FCHSD2: variants seen among roughly 807,000 people sequenced by gnomAD.
The protein encoded by FCHSD2 is FCH and double SH3 domains 2, also known as F-BAR and double SH3 domains protein 2.
A neutral mutation model predicts 108.1 loss-of-function variants in FCHSD2; 38 were observed. The observed-to-expected ratio is 0.35, with a 90% CI of 0.27 to 0.46. FCHSD2 has a LOEUF of 0.46. Ranked by LOEUF, FCHSD2 falls within the 20% of genes least tolerant of loss-of-function variation. FCHSD2 has a pLI of 1.00. For synonymous variants in FCHSD2, 279 were observed against 314.7 expected (o/e 0.89, Z 1.20); for missense variants, 751 against 897.8 (o/e 0.84, Z 2.09).
chr11:73,007,101 G>C (rs1274872764), intron 4 of FCHSD2, among the ~76,000 whole-genome samples: 1 of 151,922 alleles, frequency 6.6e-6, no homozygotes, highest in Non-Finnish European at 1.5e-5. Flanking sequence ...TATCATTTTT[G>C]TTAAAAGGAC....
intron 13 of FCHSD2, among the ~76,000 whole-genome samples, chr11:72,857,432 CTCCTT>C (rs1273488727): frequency 8.7e-6 from 1 of 115,200 alleles, no homozygotes; most frequent in East Asian, 2.7e-4. Flanking sequence ...AAAATGCTTA[CTCCTT>C]TTTTTTTTTT....
chr11:72,884,912 T>C (rs2135241085), intron 12 of FCHSD2, among the ~76,000 whole-genome samples: 1 of 152,286 alleles, frequency 6.6e-6, no homozygotes, highest in East Asian at 1.9e-4. Flanking sequence ...TTTGTTTTAA[T>C]AGCAGGGTCA....
chr11:72,862,098 TAGAAAC>T (rs1166478377), intron 13 of FCHSD2, among the ~76,000 whole-genome samples: 11 of 152,128 alleles, frequency 7.2e-5, no homozygotes, highest in Admixed American at 5.9e-4. Flanking sequence ...GCAAACAAAA[TAGAAAC>T]AGAAGAAACT....
intron 3 of FCHSD2, among the ~76,000 whole-genome samples, chr11:73,055,683 A>T (rs1289717450): frequency 1.3e-5 from 2 of 152,226 alleles, no homozygotes; most frequent in African/African-American, 4.8e-5. Flanking sequence ...TAGATAAAAC[A>T]TACCATCAAA....
At chr11:73,079,035 T>C (rs1859622001) in intron 3 of FCHSD2, among the ~76,000 whole-genome samples, 1 of 152,104 alleles carries the variant, frequency 6.6e-6, no homozygotes, top group Non-Finnish European at 1.5e-5. Flanking sequence ...TAATGTTCTA[T>C]ACCTTAATCT....
At chr11:72,879,115 A>G (rs1176992378) in intron 12 of FCHSD2, among the ~76,000 whole-genome samples, 1 of 152,148 alleles carries the variant, frequency 6.6e-6, no homozygotes, top group Non-Finnish European at 1.5e-5. Flanking sequence ...TGTCTCAAAA[A>G]CAAAACAAAA....
chr11:72,960,446 G>C (rs1367627808), intron 8 of FCHSD2, among the ~76,000 whole-genome samples: 6 of 152,330 alleles, frequency 3.9e-5, no homozygotes, highest in African/African-American at 1.4e-4. Context: ...CAAAGGCAGA[G>C]ATCTGCTAGG....
At chr11:73,058,071 G>A (rs1017104515) in intron 3 of FCHSD2, among the ~76,000 whole-genome samples, 2 of 152,050 alleles carry the variant, frequency 1.3e-5, no homozygotes, top group African/African-American at 4.8e-5. Context: ...AGTAGAGACA[G>A]GGTTTCACCG....
intron 3 of FCHSD2, among the ~76,000 whole-genome samples, chr11:73,058,624 C>T (rs1859089041): frequency 2.1e-5 from 3 of 141,048 alleles, no homozygotes; most frequent in African/African-American, 2.7e-5. Context: ...AAGACAGAGT[C>T]TTGCTCTGTC....
intron 2 of FCHSD2, among the ~76,000 whole-genome samples, chr11:73,096,359 GT>G (rs1860075141): frequency 8.8e-6 from 1 of 113,654 alleles, no homozygotes; most frequent in Admixed American, 1.2e-4. Context: ...TGGCCAACAT[GT>G]TGAAACCCTG....
intron 12 of FCHSD2, among the ~76,000 whole-genome samples, chr11:72,882,265 A>C (rs2135235965): frequency 6.6e-6 from 1 of 151,164 alleles, no homozygotes; most frequent in South Asian, 2.1e-4. Context: ...ACATGGTAAA[A>C]CCCTGTCTTT....
At chr11:72,877,863 G>A (rs2135226572) in intron 12 of FCHSD2, among the ~76,000 whole-genome samples, 1 of 152,184 alleles carries the variant, frequency 6.6e-6, no homozygotes, top group Middle Eastern at 3.4e-3. Context: ...AAAATTAGCT[G>A]GGTATGGTGG....
At chr11:72,842,946 A>G (rs1861006834) in intron 16 of FCHSD2, 105 bp from the exon 17 acceptor site, 1 of 980,922 alleles carries the variant, frequency 1.0e-6, no homozygotes, top group Admixed American at 2.6e-5. Context: ...CATACAGAAT[A>G]GGATTAAAGT....
chr11:72,987,002 C>T (rs1191902601), intron 6 of FCHSD2, among the ~76,000 whole-genome samples: 2 of 152,120 alleles, frequency 1.3e-5, no homozygotes, highest in Non-Finnish European at 2.9e-5. Context: ...ATCTTGAGGC[C>T]CAAATTCTCA....
intron 2 of FCHSD2, among the ~76,000 whole-genome samples, chr11:73,093,598 T>C (rs920244997): frequency 8.6e-5 from 13 of 151,976 alleles, no homozygotes; most frequent in African/African-American, 2.2e-4. Flanking sequence ...GGATGGGGTA[T>C]TGATGATTTC....
At chr11:72,907,483 C>A (rs1591386893) in intron 9 of FCHSD2, among the ~76,000 whole-genome samples, 1 of 151,454 alleles carries the variant, frequency 6.6e-6, no homozygotes, top group African/African-American at 2.4e-5. Context: ...TCATAAATAA[C>A]TCTTATTATT....
At chr11:72,869,208 A>C (rs893565216) in intron 12 of FCHSD2, among the ~76,000 whole-genome samples, 2 of 152,140 alleles carry the variant, frequency 1.3e-5, no homozygotes, top group African/African-American at 2.4e-5. Context: ...CACCCAGCCA[A>C]GTTACCATTT....
chr11:73,079,083 TCAAA>T (rs768034160), intron 3 of FCHSD2, among the ~76,000 whole-genome samples: 37 of 152,266 alleles, frequency 2.4e-4, no homozygotes, highest in Non-Finnish European at 3.8e-4. Flanking sequence ...CAAAAATTTA[TCAAA>T]CAGTGTACTA....
At chr11:72,936,092 C>A (rs1856294607) in intron 8 of FCHSD2, among the ~76,000 whole-genome samples, 1 of 152,218 alleles carries the variant, frequency 6.6e-6, no homozygotes, top group Admixed American at 6.5e-5. Flanking sequence ...TACTAGCAAC[C>A]ATCACTCTGG....
Sources: gnomAD v4.1 joint callset for allele counts (sites outside exome capture counted in the v4.1 genomes callset) on GRCh38, gnomAD v4.1.1 for gene constraint, MANE v1.5 for transcripts, NCBI Gene and HGNC (gene_info 2026-07-23, HGNC 2026-07-21) for gene names.